Variants in ZCCHC17 observed in about 807,000 individuals in gnomAD.
ZCCHC17 encodes the protein zinc finger CCHC domain-containing protein 17.
A neutral mutation model predicts 30.6 loss-of-function variants in ZCCHC17; 18 were observed. The ratio of observed to expected loss-of-function variants is 0.59; its 90% confidence interval spans 0.41 to 0.87. The LOEUF (loss-of-function observed/expected upper bound fraction) is 0.87. Among genes scored for constraint, ZCCHC17 ranks in the 40% least tolerant of loss-of-function variants. ZCCHC17 has a pLI of 0.00. For missense variants in ZCCHC17, 263 were observed against 284.2 expected (o/e 0.93, Z 0.54); for synonymous variants, 88 against 92.4 (o/e 0.95, Z 0.27).
At chr1:31,358,859 G>A (rs1639750355) in intron 7 of ZCCHC17, among the ~76,000 whole-genome samples, 1 of 152,158 alleles carries the variant, frequency 6.6e-6, no homozygotes, top group Non-Finnish European at 1.5e-5. Context: ...TGGTATTTAT[G>A]TTCATGAGAT....
In ZCCHC17 at chr1:31,299,337, A is replaced by T. The variant is rs79931529; in HGVS notation, c.-56+2262A>T. Among the ~76,000 whole-genome samples, 1,059 of 149,940 alleles carry T rather than the reference A, an allele frequency of 7.1e-3. 9 individuals are homozygous for T. The highest frequency in any genetic ancestry group is 0.018 in the African/African-American group (726 of 40,562). ...AATGTAGGATGCAAGGAAAAAAAAAATTTTTTTCCAGCATATCCAGCGGTT... is the reference window on the plus strand; with the variant it reads ...AATGTAGGATGCAAGGAAAAAAAAATTTTTTTTCCAGCATATCCAGCGGTT... On this transcript the variant is annotated intron_variant, in intron 1 of 7. Coordinates refer to ENST00000344147, the MANE Select transcript of ZCCHC17 (RefSeq NM_016505.4).
chr1:31,340,612 C>A, intron 5 of ZCCHC17, among the ~76,000 whole-genome samples: 1 of 152,176 alleles, frequency 6.6e-6, no homozygotes, highest in East Asian at 1.9e-4. Flanking sequence ...CCACCGCGCC[C>A]GGCCCTTGGA....
At chr1:31,362,079 G>C (rs1639927637) in intron 7 of ZCCHC17, among the ~76,000 whole-genome samples, 1 of 152,110 alleles carries the variant, frequency 6.6e-6, no homozygotes, top group Non-Finnish European at 1.5e-5. Context: ...CAGAGTGCTG[G>C]GATTACAGGC....
chr1:31,327,943 T>C (rs1244092904), intron 3 of ZCCHC17, among the ~76,000 whole-genome samples: 2 of 152,180 alleles, frequency 1.3e-5, no homozygotes, highest in African/African-American at 4.8e-5. Flanking sequence ...CATCATGCAG[T>C]GTACACAGAT....
At position 31,337,195 on chromosome 1, in the gene ZCCHC17, A is replaced by C; in HGVS notation, c.145A>C (p.Met49Leu). The change falls in exon 4 of 8, where the codon ATG (methionine) becomes CTG (leucine). Residue 49 changes from methionine to leucine, a missense_variant. Coordinates refer to ENST00000344147, the MANE Select transcript of ZCCHC17 (RefSeq NM_016505.4). ...CCCAGGTCTGGTCCATCGAACTCAT[A>C]TGTCATCCTGTCGGGTGGATAAGCC... ...RKQGLVHRTH[M>L]SSCRVDKPSE... is the part of the protein sequence containing the mutation. 1 of 1,613,976 alleles carries C rather than the reference A, an allele frequency of 6.2e-7. No individual in the cohort carries two copies. The highest frequency in any genetic ancestry group is 8.5e-7 in the Non-Finnish European group (1 of 1,179,984).
At chr1:31,348,996 T>C (rs746308681) in intron 7 of ZCCHC17, 22 bp downstream of exon 7, 2 of 1,547,854 alleles carry the variant, frequency 1.3e-6, no homozygotes, top group Non-Finnish European at 1.7e-6. Context: ...TTTGCTTTTA[T>C]TTTATCATGT....
chr1:31,302,380 A>G (rs1401884282), intron 1 of ZCCHC17, among the ~76,000 whole-genome samples: 1 of 147,858 alleles, frequency 6.8e-6, no homozygotes, highest in Non-Finnish European at 1.5e-5. Context: ...CAGTTCACTC[A>G]TTTAAAAAAA....
intron 3 of ZCCHC17, among the ~76,000 whole-genome samples, chr1:31,334,293 A>G (rs1199606390): frequency 7.7e-6 from 1 of 130,092 alleles, no homozygotes; most frequent in East Asian, 2.1e-4. Context: ...ATCTGCAGGC[A>G]TCCATGTGCA....
chr1:31,337,513 C>T (rs1304940979), intron 4 of ZCCHC17, among the ~76,000 whole-genome samples: 2 of 152,140 alleles, frequency 1.3e-5, no homozygotes, highest in Non-Finnish European at 2.9e-5. Flanking sequence ...TAAAACTTCC[C>T]TCCCTGAAGT....
At chr1:31,307,265 C>T (rs1229181684) in intron 1 of ZCCHC17, among the ~76,000 whole-genome samples, 1 of 151,618 alleles carries the variant, frequency 6.6e-6, no homozygotes, top group Non-Finnish European at 1.5e-5. Context: ...GCACCTGGCC[C>T]CAGTTTCCTT....
At chr1:31,328,991 A>C (rs1003791148) in intron 3 of ZCCHC17, among the ~76,000 whole-genome samples, 5 of 152,158 alleles carry the variant, frequency 3.3e-5, no homozygotes, top group Non-Finnish European at 2.9e-5. Context: ...GCAATATGGC[A>C]AGATCCTGTC....
chr1:31,335,418 T>G (rs1638777510), intron 3 of ZCCHC17, among the ~76,000 whole-genome samples: 1 of 152,340 alleles, frequency 6.6e-6, no homozygotes, highest in South Asian at 2.1e-4. Flanking sequence ...CTCTGTCACC[T>G]AGGCTGGAGT....
intron 7 of ZCCHC17, among the ~76,000 whole-genome samples, chr1:31,350,961 G>C (rs1639449959): frequency 1.1e-4 from 17 of 152,112 alleles, no homozygotes; most frequent in Admixed American, 1.1e-3. Context: ...CAATGTTCTT[G>C]CAGAGGGATG....
At chr1:31,352,467 C>T (rs1304443047) in intron 7 of ZCCHC17, among the ~76,000 whole-genome samples, 2 of 152,106 alleles carry the variant, frequency 1.3e-5, no homozygotes, top group Non-Finnish European at 2.9e-5. Context: ...CCTTTTTAAG[C>T]CCAAATAATA....
chr1:31,354,412 T>C (rs553778177), intron 7 of ZCCHC17, among the ~76,000 whole-genome samples: 27 of 152,320 alleles, frequency 1.8e-4, no homozygotes, highest in African/African-American at 5.8e-4. Context: ...TTTAGTTTTT[T>C]TTTTCTTTTG....
chr1:31,364,067 A>C lies in ZCCHC17; in HGVS notation c.600A>C (p.Ser200=). 1.9e-6 allele frequency: 3 copies of C among 1,613,816 alleles called. No homozygotes were observed. Among genetic ancestry groups the C allele is most frequent in the Non-Finnish European group, 2.5e-6 (3 of 1,179,854 alleles). Residue 200 remains serine, a synonymous_variant, in exon 8 of 8, where the codon TCA becomes TCC. Transcript: ENST00000344147. ...KKKKKHRDRK[S]SDSDSSDSES... ...AAAAGAAACATAGAGATAGGAAGTC[A>C]TCTGACTCTGACAGCTCAGACTCTG...
At chr1:31,347,028 G>A (rs1639299771) in intron 6 of ZCCHC17, among the ~76,000 whole-genome samples, 1 of 152,134 alleles carries the variant, frequency 6.6e-6, no homozygotes, top group Admixed American at 6.5e-5. Flanking sequence ...TATGCCAGGA[G>A]GAGTAAGAGT....
At chr1:31,361,771 T>G (rs1001089145) in intron 7 of ZCCHC17, among the ~76,000 whole-genome samples, 13 of 151,748 alleles carry the variant, frequency 8.6e-5, no homozygotes, top group Admixed American at 4.6e-4. Context: ...GTGTTTTTTT[T>G]GGGGAGAGGG....
At chr1:31,363,745 G>A (rs757671051) in intron 7 of ZCCHC17, among the ~76,000 whole-genome samples, 72 of 152,186 alleles carry the variant, frequency 4.7e-4, no homozygotes, top group Non-Finnish European at 8.5e-4. Flanking sequence ...TCGTGCCACT[G>A]CACTGCACTC....
Sources: allele counts gnomAD v4.1 joint callset (sites outside exome capture counted in the v4.1 genomes callset), GRCh38; gene constraint gnomAD v4.1.1; transcripts MANE v1.5; gene names NCBI Gene and HGNC (gene_info 2026-07-23, HGNC 2026-07-21).